FBH1: variants seen among roughly 807,000 people sequenced by gnomAD.
FBH1 encodes the protein F-box DNA helicase 1.
FBH1 carries 43 observed loss-of-function variants against 115.5 expected under a neutral mutation model. The observed-to-expected ratio is 0.37, with a 90% CI of 0.29 to 0.48. The LOEUF (loss-of-function observed/expected upper bound fraction) is 0.48, where lower values mean the gene tolerates loss of function less well. Ranked by LOEUF, FBH1 falls within the 20% of genes least tolerant of loss-of-function variation. The pLI is 0.99. For missense variants in FBH1, 1,001 were observed against 1,337.3 expected (o/e 0.75, Z 3.92); for synonymous variants, 524 against 507.8 (o/e 1.03, Z -0.43).
chr10:5,923,784 C>A lies in FBH1; in HGVS notation c.2398+88C>A. The A allele has an allele frequency of 1.6e-6, 2 of 1,260,562 alleles. No individual in the cohort carries two copies. Among genetic ancestry groups the A allele is most frequent in the South Asian group, 1.3e-5 (1 of 78,818 alleles). The allele number at this position is 1,260,562 out of a possible 1,614,324, so 78.1% of individuals were successfully genotyped here. On this transcript the variant is annotated intron_variant, in intron 16 of 20. Coordinates refer to ENST00000362091, the MANE Select transcript of FBH1 (RefSeq NM_178150.3). The surrounding 1 kb of genome is among the most constrained non-coding windows in gnomAD (Gnocchi z 5.7). ...AAGCAGGCCCAGTCTGAGTCAGGGACCCGTTTCCCTCCAGAGAAGGGCGAG... is the reference window on the plus strand; with the variant it reads ...AAGCAGGCCCAGTCTGAGTCAGGGAACCGTTTCCCTCCAGAGAAGGGCGAG...
At position 5,895,708 on chromosome 10, in the gene FBH1, T is replaced by G. The variant is rs1006313285; in HGVS notation, c.1+5362T>G. Reference sequence around the variant, plus strand: ...TCTTTTTAAAGCAGTAGTCCGAGGATTGAGGCTGCTGGAGGCTCTTCTATT... The same window carrying G: ...TCTTTTTAAAGCAGTAGTCCGAGGAGTGAGGCTGCTGGAGGCTCTTCTATT... On this transcript the variant is annotated intron_variant, in intron 1 of 20. Transcript: ENST00000362091. This position sits in a 1 kb window ranked among gnomAD's most constrained non-coding sequence, Gnocchi z 5.0. Among the ~76,000 whole-genome samples, 1 of 152,134 alleles carries G rather than the reference T, an allele frequency of 6.6e-6. No homozygotes were observed. Among genetic ancestry groups the G allele is most frequent in the African/African-American group, 2.4e-5 (1 of 41,426 alleles).
In FBH1 at chr10:5,924,719, A is replaced by G. The variant is rs533808448; in HGVS notation, c.2596+211A>G. 4 of 615,846 alleles carry G rather than the reference A, an allele frequency of 6.5e-6. No homozygotes were observed. Among genetic ancestry groups the G allele is most frequent in the Non-Finnish European group, 1.2e-5 (4 of 334,116 alleles). The allele number at this position is 615,846 out of a possible 1,614,324, so 38.1% of individuals were successfully genotyped here. A position where few individuals can be genotyped will look rare whatever the true frequency, so the allele number is the denominator to read the frequency against. On this transcript the variant is annotated intron_variant, in intron 17 of 20. Transcript: ENST00000362091. This position sits in a 1 kb window ranked among gnomAD's most constrained non-coding sequence, Gnocchi z 6.2. ...AGTAGCTGGGACTACAGGCCCCACC[A>G]CCAGCCCGGCTAGTTTGTGTATTTT...
chr10:5,895,912 T>C lies in FBH1; in HGVS notation c.1+5566T>C, dbSNP rs145408874. Among the ~76,000 whole-genome samples the C allele has an allele frequency of 2.3e-3, 346 of 152,350 alleles. No individual in the cohort carries two copies. The highest frequency in any genetic ancestry group is 2.9e-3 in the Non-Finnish European group (195 of 68,030). ...GCAGGACTGGGAAGTATAGCCCAGC[T>C]GTGTGCTCAGGGAGAAGAGCAACAA... On this transcript the variant is annotated intron_variant, in intron 1 of 20. Transcript: ENST00000362091. This position sits in a 1 kb window ranked among gnomAD's most constrained non-coding sequence, Gnocchi z 5.0.
intron 18 of FBH1, 33 bp from the exon 19 acceptor site, chr10:5,927,402 T>G (rs1335334813): frequency 6.6e-7 from 1 of 1,514,994 alleles, no homozygotes; most frequent in African/African-American, 1.4e-5. Context: ...CTAAGGCTTT[T>G]TAGTTGATTT....
chr10:5,891,232 A>G, intron 1 of FBH1: 2 of 955,860 alleles, frequency 2.1e-6, no homozygotes, highest in Non-Finnish European at 1.2e-6. Flanking sequence ...GGGCCCATGA[A>G]GATAAGTCCG....
In FBH1 at chr10:5,931,524, T is replaced by G. The variant is rs1219444706; in HGVS notation, c.2829+3983T>G. Among the ~76,000 whole-genome samples, 1 of 152,206 alleles carries G rather than the reference T, an allele frequency of 6.6e-6. No homozygotes were observed. Among genetic ancestry groups the G allele is most frequent in the Non-Finnish European group, 1.5e-5 (1 of 68,040 alleles). On this transcript the variant is annotated intron_variant, in intron 19 of 20. Coordinates refer to ENST00000362091, the MANE Select transcript of FBH1 (RefSeq NM_178150.3). This position sits in a 1 kb window ranked among gnomAD's most constrained non-coding sequence, Gnocchi z 4.3. ...TTGAATCTTTTCTCATACACTGAAA[T>G]CTTGGTTCCTAATAGTATTTATTAC...
chr10:5,917,550 C>T lies in FBH1; in HGVS notation c.1877-40C>T. 6.2e-7 allele frequency: 1 copy of T among 1,613,472 alleles called. No individual in the cohort carries two copies. The highest frequency in any genetic ancestry group is 8.5e-7 in the Non-Finnish European group (1 of 1,179,406). ...GGCGGGGACTGGCCAATGGGACTGC[C>T]TTCCTGGCGTTACAACTCCTGCGTC... On this transcript the variant is annotated intron_variant, in intron 11 of 20. Transcript: ENST00000362091. The surrounding 1 kb of genome is among the most constrained non-coding windows in gnomAD (Gnocchi z 5.6).
chr10:5,897,505 A>T lies in FBH1; in HGVS notation c.2-5515A>T, dbSNP rs1843079843. 6.6e-6 allele frequency among the ~76,000 whole-genome samples: 1 copy of T among 152,150 alleles called. No homozygotes were observed. The highest frequency in any genetic ancestry group is 6.5e-5 in the Admixed American group (1 of 15,280). ...CCTGACCTCCAGCTGACGTTAGAAA[A>T]GTTATTTTTGATACATATATCCAAT... is the stretch of plus-strand genomic sequence containing the variant. On this transcript the variant is annotated intron_variant, in intron 1 of 20. Coordinates refer to ENST00000362091, the MANE Select transcript of FBH1 (RefSeq NM_178150.3). The surrounding 1 kb of genome is among the most constrained non-coding windows in gnomAD (Gnocchi z 4.7).
Position 5,936,239 on chromosome 10 carries a change from A to G in FBH1, c.2830-217A>G, listed in dbSNP as rs116719497. On this transcript the variant is annotated intron_variant, in intron 19 of 20. Coordinates refer to ENST00000362091, the MANE Select transcript of FBH1 (RefSeq NM_178150.3). This position sits in a 1 kb window ranked among gnomAD's most constrained non-coding sequence, Gnocchi z 5.6. ...GCATGTTTATCTGTTAAATATATAT[A>G]TATTTAAAAAGCAATTGGACTGTCA... The G allele has an allele frequency of 1.6e-3, 569 of 363,610 alleles. 6 individuals are homozygous for G. Among genetic ancestry groups the G allele is most frequent in the African/African-American group, 0.011 (535 of 49,748 alleles). The allele number at this position is 363,610 out of a possible 1,614,324, so 22.5% of individuals were successfully genotyped here.
chr10:5,891,465 A>C (rs549491601), intron 1 of FBH1, among the ~76,000 whole-genome samples: 45 of 152,192 alleles, frequency 3.0e-4, no homozygotes, highest in Non-Finnish European at 5.4e-4. Context: ...TGCAAATTGG[A>C]AGTTGAGGCA....
In FBH1 at chr10:5,921,319, G is replaced by T; in HGVS notation, c.2162G>T (p.Arg721Ile). 2 of 1,614,216 alleles carry T rather than the reference G, an allele frequency of 1.2e-6. No homozygotes were observed. Among genetic ancestry groups the T allele is most frequent in the South Asian group, 2.2e-5 (2 of 91,078 alleles). ...VGATILDVCKRVRKKTLVGGN... is the reference protein window; with the variant it reads ...VGATILDVCKIVRKKTLVGGN... ...GCTACTATCTTGGATGTTTGCAAGA[G>T]AGTCAGGAAAAAGACTTTGGTTGGA... Residue 721 changes from arginine to isoleucine, a missense_variant, in exon 14 of 21, where the codon AGA becomes ATA. This residue lies in a region of FBH1 where 521 missense variants were observed against 811.0 expected (regional missense o/e 0.64). Coordinates refer to ENST00000362091, the MANE Select transcript of FBH1 (RefSeq NM_178150.3). The surrounding 1 kb of genome is among the most constrained non-coding windows in gnomAD (Gnocchi z 6.4).
At position 5,923,528 on chromosome 10, in the gene FBH1, C is replaced by T. The variant is rs1279295309; in HGVS notation, c.2323-93C>T. 2.0e-6 allele frequency: 2 copies of T among 1,007,238 alleles called. No homozygotes were observed. The highest frequency in any genetic ancestry group is 3.0e-6 in the Non-Finnish European group (2 of 665,536). The allele number at this position is 1,007,238 out of a possible 1,614,324, so 62.4% of individuals were successfully genotyped here. The stretch of plus-strand genomic sequence containing the variant: ...ATCTCATTTCAAAACCCCATCCCTG[C>T]ATTTGCTTTATTTTGTTTTGTTAAA... On this transcript the variant is annotated intron_variant, in intron 15 of 20. Transcript: ENST00000362091. This position sits in a 1 kb window ranked among gnomAD's most constrained non-coding sequence, Gnocchi z 5.7.
Position 5,925,897 on chromosome 10 carries a change from A to G in FBH1, c.2722+405A>G, listed in dbSNP as rs1589108930. 6.6e-6 allele frequency among the ~76,000 whole-genome samples: 1 copy of G among 152,314 alleles called. No homozygotes were observed. Among genetic ancestry groups the G allele is most frequent in the African/African-American group, 2.4e-5 (1 of 41,578 alleles). ...CTTCATTTTATTAAAGAGAGAAGAA[A>G]ACCACAAAAGGAGAAATAGTAAGCA... On this transcript the variant is annotated intron_variant, in intron 18 of 20. Transcript: ENST00000362091. This position sits in a 1 kb window ranked among gnomAD's most constrained non-coding sequence, Gnocchi z 4.6.
rs116814371 is a variant in FBH1 at position 5,932,914 on chromosome 10, G to C, written c.2830-3542G>C. ...GTATTTTTTGTAGAGACGGGGTTTT[G>C]TCTGTTTCCCAGGCTGGTCTCAAAC... On this transcript the variant is annotated intron_variant, in intron 19 of 20. Coordinates refer to ENST00000362091, the MANE Select transcript of FBH1 (RefSeq NM_178150.3). The surrounding 1 kb of genome is among the most constrained non-coding windows in gnomAD (Gnocchi z 5.9). Among the ~76,000 whole-genome samples, 1,116 of 152,000 alleles carry C rather than the reference G, an allele frequency of 7.3e-3. 14 individuals carry two copies. Among genetic ancestry groups the C allele is most frequent in the African/African-American group, 0.026 (1,066 of 41,488 alleles).
chr10:5,894,050 C>T (rs1018992823), intron 1 of FBH1: 2 of 985,268 alleles, frequency 2.0e-6, no homozygotes, highest in African/African-American at 1.7e-5. Context: ...AAGGGAGTCA[C>T]AGGTGTCTCA....
At chr10:5,919,706 G>GGA (rs1456352214) in intron 13 of FBH1, among the ~76,000 whole-genome samples, 2 of 152,192 alleles carry the variant, frequency 1.3e-5, no homozygotes, top group Non-Finnish European at 2.9e-5. Context: ...AGTATCAACT[G>GGA]TGCTGTGTTT....
chr10:5,929,467 C>T (rs146835787), intron 19 of FBH1: 1 of 152,334 alleles, frequency 6.6e-6, no homozygotes, highest in African/African-American at 2.4e-5. Flanking sequence ...ACCTGGGCTT[C>T]ACCGAGTGCA....
At chr10:5,890,197 C>A (rs2131797516), upstream of FBH1, 5 of 341,138 alleles carry the variant, frequency 1.5e-5, no homozygotes, top group South Asian at 5.5e-4. Flanking sequence ...GGGGCTGCGG[C>A]GGGGCGGAGC....
rs527517804 is a variant in FBH1, at chr10:5,936,333, G to A, written c.2830-123G>A. 1,128 of 1,165,548 alleles carry A rather than the reference G, an allele frequency of 9.7e-4. 2 individuals carry two copies. Among genetic ancestry groups the A allele is most frequent in the Non-Finnish European group, 1.3e-3 (1,053 of 824,446 alleles). The allele number at this position is 1,165,548 out of a possible 1,614,324, so 72.2% of individuals were successfully genotyped here. A position where few individuals can be genotyped will look rare whatever the true frequency, so the allele number is the denominator to read the frequency against. ...AGTAAGGGAGAACGGGTTAGGCGGG[G>A]TTTTTCTCTCTGGGACTTACAGTGC... is the stretch of plus-strand genomic sequence containing the variant. On this transcript the variant is annotated intron_variant, in intron 19 of 20. Transcript: ENST00000362091. The surrounding 1 kb of genome is among the most constrained non-coding windows in gnomAD (Gnocchi z 5.6).
Sources: gnomAD v4.1 joint callset for allele counts (sites outside exome capture counted in the v4.1 genomes callset) on GRCh38, gnomAD v4.1.1 for gene constraint, gnomAD v4.1.1 regional missense constraint, Gnocchi (gnomAD v3.1) non-coding constraint, MANE v1.5 for transcripts, NCBI Gene and HGNC (gene_info 2026-07-23, HGNC 2026-07-21) for gene names.